Variants in ZNF721 observed in about 807,000 individuals in gnomAD.
ZNF721 encodes the protein zinc finger protein 721.
Under a neutral mutation model 2.4 loss-of-function variants are expected in ZNF721, and 2 were observed. That is an observed-to-expected ratio of 0.82 (90% CI 0.34 to 2.58). ZNF721 has a LOEUF of 2.58. Ranked by LOEUF, ZNF721 falls within the 30% of genes most tolerant of loss-of-function variation. The pLI, the probability that ZNF721 is intolerant of heterozygous loss-of-function variation, is 0.11. For missense variants in ZNF721, 1,187 were observed against 1,085.5 expected (o/e 1.09, Z -1.31); for synonymous variants, 398 against 381.8 (o/e 1.04, Z -0.50).
chr4:470,578 T>C (rs1182595682), intron 2 of ZNF721, among the ~76,000 whole-genome samples: 1 of 152,060 alleles, frequency 6.6e-6, no homozygotes, highest in Non-Finnish European at 1.5e-5. Context: ...CCAAGTCTAG[T>C]GGTGCATGCC....
chr4:469,405 C>A (rs1351729982), intron 2 of ZNF721, among the ~76,000 whole-genome samples: 1 of 151,832 alleles, frequency 6.6e-6, no homozygotes, highest in Non-Finnish European at 1.5e-5. Flanking sequence ...TAGTGTATAA[C>A]AATAAATGTA....
chr4:474,624 C>T (rs1173023798), intron 1 of ZNF721, among the ~76,000 whole-genome samples: 1 of 152,204 alleles, frequency 6.6e-6, no homozygotes, highest in East Asian at 1.9e-4. Flanking sequence ...CGCCAGTAAT[C>T]CCAAAGCTTT....
intron 1 of ZNF721, among the ~76,000 whole-genome samples, chr4:497,913 A>AC (rs1314776734): frequency 4.8e-5 from 7 of 144,932 alleles, no homozygotes; most frequent in Non-Finnish European, 1.5e-5. Flanking sequence ...CAAACCAACA[A>AC]AAAAAAAACA....
chr4:492,737 T>TTAC (rs558388196), intron 1 of ZNF721, among the ~76,000 whole-genome samples: 37 of 150,896 alleles, frequency 2.5e-4, no homozygotes, highest in East Asian at 1.2e-3. Flanking sequence ...AGGTCTAAAT[T>TTAC]TACTATACAA....
chr4:446,823 G>C (rs1476317537), intron 2 of ZNF721, among the ~76,000 whole-genome samples: 1 of 151,920 alleles, frequency 6.6e-6, no homozygotes, highest in Non-Finnish European at 1.5e-5. Context: ...CTCCCAAGTA[G>C]CTGGGACTAC....
intron 1 of ZNF721, among the ~76,000 whole-genome samples, chr4:496,707 CTTTTTTTTTTTTT>C (rs781947891): frequency 8.3e-5 from 7 of 83,884 alleles, no homozygotes; most frequent in East Asian, 7.5e-4. Context: ...TACATGACTT[CTTTTTTTTTTTTT>C]TTTTTTTTTT....
intron 1 of ZNF721, among the ~76,000 whole-genome samples, chr4:490,966 A>T (rs1313971310): frequency 1.3e-5 from 2 of 152,046 alleles, no homozygotes; most frequent in Non-Finnish European, 2.9e-5. Context: ...AAAAAAAAAA[A>T]AGAACAGGAA....
At chr4:465,066 T>G (rs1387572560) in intron 2 of ZNF721, among the ~76,000 whole-genome samples, 1 of 146,344 alleles carries the variant, frequency 6.8e-6, no homozygotes, top group Non-Finnish European at 1.5e-5. Context: ...GCCTGGGTGA[T>G]AGAGCAAGAT....
rs1714323608 is a variant in ZNF721 at position 443,048 on chromosome 4, G to C, written c.1419C>G (p.Tyr473Ter). Residue 473 changes from tyrosine to a stop codon, truncating the protein, a stop_gained, in exon 3 of 3, where the codon TAC (tyrosine) becomes TAG (stop). Coordinates refer to ENST00000511833, the MANE Select transcript of ZNF721 (RefSeq NM_133474.4). LOFTEE classifies it low-confidence loss of function (END_TRUNC). ...HEKIHTGKKP[Y>*]KCKQCGKVIT... ...TGACTTTGCCACATTGCTTACATTT[G>C]TAGGGTTTCTTTCCAGTATGAATTT... 1.2e-6 allele frequency: 2 copies of C among 1,613,704 alleles called. No homozygotes were observed. The highest frequency in any genetic ancestry group is 2.7e-5 in the African/African-American group (2 of 74,928).
Position 472,685 on chromosome 4 carries a change from C to G in ZNF721, c.-77G>C. ...TGGAGAGAATTCTATGGCCACATCCCTGAATGTTAAGGGTTCCTGAAAATA... is the reference window on the plus strand; with the variant it reads ...TGGAGAGAATTCTATGGCCACATCCGTGAATGTTAAGGGTTCCTGAAAATA... On this transcript the variant is annotated 5_prime_UTR_variant, in exon 2 of 3. Transcript: ENST00000511833. The G allele has an allele frequency of 1.9e-6, 3 of 1,612,594 alleles. No individual in the cohort carries two copies. Among genetic ancestry groups the G allele is most frequent in the Non-Finnish European group, 2.5e-6 (3 of 1,179,760 alleles).
At chr4:452,215 C>G (rs11946373) in intron 2 of ZNF721, among the ~76,000 whole-genome samples, 10,540 of 152,238 alleles carry the variant, frequency 0.069, 628 homozygotes, top group African/African-American at 0.17. Context: ...AACTGAAGAA[C>G]TAGTCGGCTG....
At chr4:485,591 C>G (rs1576972081) in intron 1 of ZNF721, among the ~76,000 whole-genome samples, 1 of 152,258 alleles carries the variant, frequency 6.6e-6, no homozygotes, top group African/African-American at 2.4e-5. Context: ...TCAACTGGTC[C>G]TCCGAAAGAT....
At chr4:490,301 C>T (rs1715989201) in intron 1 of ZNF721, among the ~76,000 whole-genome samples, 1 of 151,670 alleles carries the variant, frequency 6.6e-6, no homozygotes, top group Admixed American at 6.6e-5. Flanking sequence ...ACGGTGAAAC[C>T]CCGTCTCTAC....
At position 441,641 on chromosome 4, in the gene ZNF721, GTTCTC is replaced by G; in HGVS notation, c.*49_*53del. 1 of 1,436,750 alleles carries G rather than the reference GTTCTC, an allele frequency of 7.0e-7. No homozygotes were observed. The highest frequency in any genetic ancestry group is 2.4e-5 in the East Asian group (1 of 41,178). 89.0% of individuals were successfully genotyped at this position (1,436,750 alleles called of 1,614,324 possible). A position where few individuals can be genotyped will look rare whatever the true frequency, so the allele number is the denominator to read the frequency against. ...TTCGTAAGACATTCCCCTGGTATGAGTTCTCTTATGTTTAAGAATGCTGTAGTATG... is the reference window on the plus strand; with the variant it reads ...TTCGTAAGACATTCCCCTGGTATGAGTTATGTTTAAGAATGCTGTAGTATG... On this transcript the variant is annotated 3_prime_UTR_variant, in exon 3 of 3. Transcript: ENST00000511833.
At chr4:472,812 C>T in intron 1 of ZNF721, 111 bp from the exon 2 acceptor site, 2 of 1,407,176 alleles carry the variant, frequency 1.4e-6, no homozygotes, top group South Asian at 1.3e-5. Flanking sequence ...GATAAAACAA[C>T]TTTCAACACA....
chr4:466,599 C>G (rs1553866796), intron 2 of ZNF721, among the ~76,000 whole-genome samples: 1 of 152,064 alleles, frequency 6.6e-6, no homozygotes, highest in East Asian at 1.9e-4. Flanking sequence ...GGATTTTTTT[C>G]TTTCTTAAAA....
chr4:490,581 A>C (rs1323412275), intron 1 of ZNF721, among the ~76,000 whole-genome samples: 2 of 152,254 alleles, frequency 1.3e-5, no homozygotes, highest in Non-Finnish European at 2.9e-5. Context: ...ATTCACAAAT[A>C]GCTAACATTT....
At chr4:452,428 T>C (rs535178882) in intron 2 of ZNF721, among the ~76,000 whole-genome samples, 2 of 152,356 alleles carry the variant, frequency 1.3e-5, no homozygotes, top group South Asian at 4.1e-4. Context: ...ATTTATTGGC[T>C]TGTTTGGATT....
rs1714232525 is a variant in ZNF721, at chr4:441,468, C to T, written c.*227G>A. Reference sequence around the variant, plus strand: ...TTTTAATTTTAATTTGGCTTCTCATCAATATAATTACTCTTATGTCTACAA... The same window carrying T: ...TTTTAATTTTAATTTGGCTTCTCATTAATATAATTACTCTTATGTCTACAA... On this transcript the variant is annotated 3_prime_UTR_variant, in exon 3 of 3. Transcript: ENST00000511833. 1 of 408,004 alleles carries T rather than the reference C, an allele frequency of 2.5e-6. No homozygotes were observed. The highest frequency in any genetic ancestry group is 2.0e-5 in the African/African-American group (1 of 49,400). 25.3% of individuals were successfully genotyped at this position (408,004 alleles called of 1,614,324 possible).
Sources: gnomAD v4.1 joint callset for allele counts (sites outside exome capture counted in the v4.1 genomes callset) on GRCh38, gnomAD v4.1.1 for gene constraint, MANE v1.5 for transcripts, NCBI Gene and HGNC (gene_info 2026-07-23, HGNC 2026-07-21) for gene names.